The following ZC3H18 variants were observed in gnomAD, a reference collection of about 807,000 sequenced individuals.
ZC3H18 encodes zinc finger CCCH-type containing 18, also known as zinc finger CCCH domain-containing protein 18.
Under a neutral mutation model 106.1 loss-of-function variants are expected in ZC3H18, and 8 were observed. The observed-to-expected ratio is 0.08, with a 90% CI of 0.04 to 0.14. The LOEUF (loss-of-function observed/expected upper bound fraction) is 0.14, where lower values mean the gene tolerates loss of function less well. Ranked by LOEUF, ZC3H18 falls within the 10% of genes least tolerant of loss-of-function variation. The probability of loss-of-function intolerance (pLI) is 1.00; values close to 1 mark genes in which losing one functional copy is unlikely to be tolerated. For missense variants in ZC3H18, 1,318 were observed against 1,278.4 expected, an observed-to-expected ratio of 1.03 and a Z score of -0.47; for synonymous variants, 635 against 522.1, an observed-to-expected ratio of 1.22 and a Z score of -2.95.
chr16:88,588,774 G>C (rs576947060), intron 3 of ZC3H18, among the ~76,000 whole-genome samples: 1 of 152,210 alleles, frequency 6.6e-6, no homozygotes, highest in South Asian at 2.1e-4. Flanking sequence ...CAGCTACGTG[G>C]GGGGTGGGGG....
chr16:88,587,933 G>A (rs1388410845), intron 3 of ZC3H18, among the ~76,000 whole-genome samples: 4 of 152,160 alleles, frequency 2.6e-5, no homozygotes, highest in Non-Finnish European at 5.9e-5. Flanking sequence ...GGTTAGGCTC[G>A]CTCCTGTGGG....
At chr16:88,625,687 C>T (rs997414874) in intron 13 of ZC3H18, 15 of 202,260 alleles carry the variant, frequency 7.4e-5, no homozygotes, top group Non-Finnish European at 1.4e-4. Flanking sequence ...ATAAAAACAT[C>T]TGAGAAGAGA....
chr16:88,595,302 C>T (rs1372877520), intron 3 of ZC3H18, among the ~76,000 whole-genome samples: 2 of 152,248 alleles, frequency 1.3e-5, no homozygotes, highest in African/African-American at 4.8e-5. Context: ...CCAGCGGCCT[C>T]TGTCCCTCCT....
chr16:88,614,687 G>A (rs1004777747), intron 8 of ZC3H18, among the ~76,000 whole-genome samples: 21 of 152,216 alleles, frequency 1.4e-4, no homozygotes, highest in African/African-American at 5.1e-4. Context: ...TAATCTCTAA[G>A]TTATTTTGAA....
rs766382657 is a variant in ZC3H18, at chr16:88,598,260, C to T, written c.771C>T (p.Ala257=). Residue 257 remains alanine (A), a synonymous_variant, in exon 4 of 18, where the codon GCC becomes GCT. Transcript: ENST00000301011. The part of the protein sequence containing the change: ...DKGNYSLITK[A]DPFPPNGAPP... Reference sequence around the variant, plus strand: ...GGAACTACTCCCTAATCACCAAAGCCGACCCCTTCCCGCCTAATGGTGCCC... The same window carrying T: ...GGAACTACTCCCTAATCACCAAAGCTGACCCCTTCCCGCCTAATGGTGCCC... 8.7e-6 allele frequency: 14 copies of T among 1,613,566 alleles called. No homozygotes were observed. The highest frequency in any genetic ancestry group is 9.3e-6 in the Non-Finnish European group (11 of 1,179,860).
chr16:88,577,066 T>C, intron 1 of ZC3H18, 44 bp from the exon 2 acceptor site: 1 of 1,500,902 alleles, frequency 6.7e-7, no homozygotes. Flanking sequence ...AGGTTTGTTT[T>C]CCATTTTGCT....
intron 6 of ZC3H18, among the ~76,000 whole-genome samples, chr16:88,604,833 T>C (rs566691046): frequency 1.3e-5 from 2 of 152,042 alleles, no homozygotes; most frequent in Non-Finnish European, 2.9e-5. Context: ...AATGCGGTCA[T>C]CAGTAGTAGC....
intron 1 of ZC3H18, among the ~76,000 whole-genome samples, chr16:88,574,345 G>C (rs1334880363): frequency 6.6e-6 from 1 of 151,882 alleles, no homozygotes; most frequent in Non-Finnish European, 1.5e-5. Flanking sequence ...AAGTAGCTTG[G>C]ATAACAGGCA....
At chr16:88,629,402 G>A (rs1173985441) in intron 16 of ZC3H18, among the ~76,000 whole-genome samples, 2 of 152,244 alleles carry the variant, frequency 1.3e-5, no homozygotes, top group Non-Finnish European at 2.9e-5. Flanking sequence ...CTTGAACCTG[G>A]GAGGCAGAGG....
intron 2 of ZC3H18, among the ~76,000 whole-genome samples, chr16:88,578,446 A>G (rs1366498274): frequency 6.6e-6 from 1 of 152,116 alleles, no homozygotes; most frequent in Non-Finnish European, 1.5e-5. Context: ...AAACACCCCA[A>G]AGTCCTCCTG....
At chr16:88,575,476 C>T (rs1424055800) in intron 1 of ZC3H18, among the ~76,000 whole-genome samples, 4 of 152,110 alleles carry the variant, frequency 2.6e-5, no homozygotes, top group Non-Finnish European at 5.9e-5. Context: ...CCCTGCTGCT[C>T]CACACTCACT....
intron 2 of ZC3H18, among the ~76,000 whole-genome samples, chr16:88,579,797 A>G (rs923637938): frequency 6.6e-6 from 1 of 152,172 alleles, no homozygotes; most frequent in Admixed American, 6.5e-5. Flanking sequence ...TCCACCGCAC[A>G]GACTGCCTCC....
At chr16:88,625,310 G>T (rs774474754) in intron 13 of ZC3H18, 43 bp downstream of exon 13, 23 of 1,556,454 alleles carry the variant, frequency 1.5e-5, no homozygotes, top group Non-Finnish European at 2.0e-5. Flanking sequence ...CCTCCCCGTC[G>T]GGGCCAGGAA....
chr16:88,631,509 GACAGAC>G lies in ZC3H18; in HGVS notation c.*218_*223del, dbSNP rs370877136. On this transcript the variant is annotated 3_prime_UTR_variant, in exon 18 of 18. Coordinates refer to ENST00000301011, the MANE Select transcript of ZC3H18 (RefSeq NM_144604.4). ...CCCAGAGCAGAAGTCCCGCAGGACA[GACAGAC>G]ACAGACAGCGCTAGTGACCAGCACG... 9 of 685,330 alleles carry G rather than the reference GACAGAC, an allele frequency of 1.3e-5. No homozygotes were observed. Among genetic ancestry groups the G allele is most frequent in the Non-Finnish European group, 2.1e-5 (8 of 388,438 alleles). The allele number at this position is 685,330 out of a possible 1,614,324, so 42.5% of individuals were successfully genotyped here.
At chr16:88,587,911 A>G (rs183396099) in intron 3 of ZC3H18, among the ~76,000 whole-genome samples, 1 of 152,192 alleles carries the variant, frequency 6.6e-6, no homozygotes, top group African/African-American at 2.4e-5. Flanking sequence ...TGTGGGGCTC[A>G]TGGGAACCCC....
At chr16:88,586,359 G>T (rs1019985836) in intron 2 of ZC3H18, among the ~76,000 whole-genome samples, 1 of 152,208 alleles carries the variant, frequency 6.6e-6, no homozygotes, top group Non-Finnish European at 1.5e-5. Context: ...TCTGTAAATT[G>T]CCCTGTGTGC....
In ZC3H18 at chr16:88,589,402, A is replaced by T. The variant is rs1034493087; in HGVS notation, c.688+2718A>T. Among the ~76,000 whole-genome samples the T allele has an allele frequency of 2.0e-5, 3 of 152,272 alleles. No individual in the cohort carries two copies. The East Asian group carries it at 5.8e-4, about 29-fold the overall frequency. ...CATAATTTCCAGTAACCAAAGAGAA[A>T]CAACCCAGGTACCCAAAAAGTGAGG... On this transcript the variant is annotated intron_variant, in intron 3 of 17. Transcript: ENST00000301011.
intron 3 of ZC3H18, among the ~76,000 whole-genome samples, chr16:88,591,888 C>A (rs1327316540): frequency 6.6e-6 from 1 of 152,086 alleles, no homozygotes; most frequent in East Asian, 1.9e-4. Context: ...TTGCTGATGA[C>A]CTGGTGGTTG....
chr16:88,619,209 G>A (rs1300149004), intron 8 of ZC3H18, among the ~76,000 whole-genome samples: 2 of 152,160 alleles, frequency 1.3e-5, no homozygotes, highest in Non-Finnish European at 2.9e-5. Flanking sequence ...ATGAGGCAGA[G>A]CTTGCAGTGA....
Sources: gnomAD v4.1 joint callset for allele counts (sites outside exome capture counted in the v4.1 genomes callset) on GRCh38, gnomAD v4.1.1 for gene constraint, MANE v1.5 for transcripts, NCBI Gene and HGNC (gene_info 2026-07-23, HGNC 2026-07-21) for gene names.